CTNNA3: variants seen among roughly 807,000 people sequenced by gnomAD.
CTNNA3 encodes catenin alpha-3.
CTNNA3 carries 76 observed loss-of-function variants against 95.7 expected under a neutral mutation model. The observed-to-expected ratio is 0.79, with a 90% CI of 0.66 to 0.96. CTNNA3 has a LOEUF of 0.96. Among genes scored for constraint, CTNNA3 ranks in the 40% least tolerant of loss-of-function variants. The pLI is 0.00. For missense variants in CTNNA3, 1,191 were observed against 1,089.8 expected, an observed-to-expected ratio of 1.09 and a Z score of -1.31; for synonymous variants, 431 against 374.4, an observed-to-expected ratio of 1.15 and a Z score of -1.74.
chr10:66,323,878 A>C (rs1489883002), intron 12 of CTNNA3, among the ~76,000 whole-genome samples: 1 of 151,908 alleles, frequency 6.6e-6, no homozygotes, highest in Admixed American at 6.6e-5. Context: ...ACAGCAGAGA[A>C]AGAGGGAAGA....
Position 67,665,887 on chromosome 10 carries a change from A to C in CTNNA3, c.-5-18369T>G, listed in dbSNP as rs528789315. On this transcript the variant is annotated intron_variant, in intron 1 of 17. Transcript: ENST00000433211. The stretch of plus-strand genomic sequence containing the variant: ...CAACTTGCATGGTCATTATGTACCC[A>C]AAACACTGTAAATCCCAAAGTAGAA... 5.9e-5 allele frequency among the ~76,000 whole-genome samples: 9 copies of C among 152,340 alleles called. No individual in the cohort carries two copies. The South Asian group carries it at 1.5e-3, about 25-fold the overall frequency.
intron 13 of CTNNA3, among the ~76,000 whole-genome samples, chr10:66,190,799 A>G (rs2086626484): frequency 6.6e-6 from 1 of 152,116 alleles, no homozygotes; most frequent in African/African-American, 2.4e-5. Context: ...GTTCAAAAGA[A>G]AAAGAATTGA....
intron 7 of CTNNA3, among the ~76,000 whole-genome samples, chr10:67,032,388 G>A (rs889196378): frequency 2.6e-5 from 4 of 151,938 alleles, no homozygotes; most frequent in South Asian, 2.1e-4. Flanking sequence ...AGCCCATTTC[G>A]CCTCCAATAA....
In CTNNA3 at chr10:67,180,410, T is replaced by G. The variant is rs1379551332; in HGVS notation, c.954A>C (p.Ser318=). The G allele has an allele frequency of 3.1e-6, 5 of 1,613,728 alleles. No homozygotes were observed. The highest frequency in any genetic ancestry group is 4.2e-6 in the Non-Finnish European group (5 of 1,179,882). ...GCTCTCGGTGTAAGTCCCTCGTACA[T>G]GAAGAATCCGCCAGCAGAGCAGCCC... ...ISGAALLADS[S]CTRDLHRERI... Residue 318 remains serine (S), a synonymous_variant, in exon 7 of 18, where the codon TCA becomes TCC. Coordinates refer to ENST00000433211, the MANE Select transcript of CTNNA3 (RefSeq NM_013266.4).
At chr10:67,120,632 C>A (rs531301217) in intron 7 of CTNNA3, among the ~76,000 whole-genome samples, 13 of 152,102 alleles carry the variant, frequency 8.5e-5, no homozygotes, top group African/African-American at 3.1e-4. Context: ...TTTCAGGGCA[C>A]CCTCCTGCAT....
At chr10:66,904,347 A>T (rs1845893389) in intron 7 of CTNNA3, among the ~76,000 whole-genome samples, 1 of 152,216 alleles carries the variant, frequency 6.6e-6, no homozygotes. Flanking sequence ...CCTTCCTTAC[A>T]TCTTATACAA....
At chr10:66,992,492 T>C (rs2132940699) in intron 7 of CTNNA3, among the ~76,000 whole-genome samples, 1 of 152,182 alleles carries the variant, frequency 6.6e-6, no homozygotes, top group African/African-American at 2.4e-5. Flanking sequence ...AGTTCTAGTT[T>C]TATGCATTAC....
At chr10:66,860,919 C>A (rs1843895813) in intron 7 of CTNNA3, among the ~76,000 whole-genome samples, 1 of 152,128 alleles carries the variant, frequency 6.6e-6, no homozygotes, top group Admixed American at 6.5e-5. Flanking sequence ...CACCTCATAG[C>A]CCAGGGAAGA....
At chr10:67,325,828 G>C (rs1589167936) in intron 5 of CTNNA3, among the ~76,000 whole-genome samples, 1 of 151,990 alleles carries the variant, frequency 6.6e-6, no homozygotes, top group Non-Finnish European at 1.5e-5. Flanking sequence ...TTGTTAGTGG[G>C]GTGTTAAAGT....
chr10:66,346,217 A>G (rs968159589), intron 12 of CTNNA3, among the ~76,000 whole-genome samples: 5 of 95,922 alleles, frequency 5.2e-5, no homozygotes, highest in South Asian at 3.8e-4. Context: ...GTGTGTATAT[A>G]TATATATATA....
intron 9 of CTNNA3, among the ~76,000 whole-genome samples, chr10:66,733,284 A>G (rs753511210): frequency 6.6e-6 from 1 of 152,084 alleles, no homozygotes; most frequent in Admixed American, 6.6e-5. Flanking sequence ...AGTAGAAAAA[A>G]AAGTTGTAAT....
At chr10:67,654,146 GCTCCAC>G (rs1270216116) in intron 1 of CTNNA3, among the ~76,000 whole-genome samples, 1 of 152,180 alleles carries the variant, frequency 6.6e-6, no homozygotes, top group Non-Finnish European at 1.5e-5. Context: ...ACAGAGGTGA[GCTCCAC>G]CTCCACCACC....
intron 13 of CTNNA3, among the ~76,000 whole-genome samples, chr10:66,243,103 T>C (rs1446916979): frequency 6.6e-6 from 1 of 152,158 alleles, no homozygotes; most frequent in Non-Finnish European, 1.5e-5. Context: ...TCAGGCACAA[T>C]TGATCAGTGT....
chr10:67,693,174 A>T (rs928319275), intron 1 of CTNNA3, among the ~76,000 whole-genome samples: 1 of 152,344 alleles, frequency 6.6e-6, no homozygotes, highest in African/African-American at 2.4e-5. Context: ...TGTGGTTAAA[A>T]ACAGTATTTA....
chr10:66,800,756 T>A (rs2132232566), intron 7 of CTNNA3, among the ~76,000 whole-genome samples: 1 of 151,380 alleles, frequency 6.6e-6, no homozygotes, highest in South Asian at 2.1e-4. Context: ...AAGTCCTTCA[T>A]AACTTTAATC....
chr10:66,272,144 T>C (rs922025284), intron 13 of CTNNA3, among the ~76,000 whole-genome samples: 8 of 152,202 alleles, frequency 5.3e-5, no homozygotes, highest in African/African-American at 1.9e-4. Context: ...AAGGTTACTT[T>C]GCTATTGGCC....
At chr10:66,450,246 T>C (rs2093454342) in intron 11 of CTNNA3, among the ~76,000 whole-genome samples, 1 of 152,176 alleles carries the variant, frequency 6.6e-6, no homozygotes, top group Non-Finnish European at 1.5e-5. Context: ...TTTGCAGTTA[T>C]GTTTAAGTCA....
At chr10:66,605,533 G>T (rs1220706033) in intron 10 of CTNNA3, among the ~76,000 whole-genome samples, 2 of 152,046 alleles carry the variant, frequency 1.3e-5, no homozygotes, top group African/African-American at 4.8e-5. Context: ...CAAAATGAAA[G>T]AAAAAATGTT....
rs199633464 is a variant in CTNNA3, at chr10:67,661,141, ACT to A, written c.-5-13625_-5-13624del. ...TGTATATGTATATGTATGTATTTAA[ACT>A]TTGACCCAGCAATTCAGTTTTTAGG... is the stretch of plus-strand genomic sequence containing the variant. On this transcript the variant is annotated intron_variant, in intron 1 of 17. Coordinates refer to ENST00000433211, the MANE Select transcript of CTNNA3 (RefSeq NM_013266.4). 3.6e-3 allele frequency among the ~76,000 whole-genome samples: 551 copies of A among 152,240 alleles called. 5 individuals are homozygous for A. The highest frequency in any genetic ancestry group is 0.012 in the African/African-American group (517 of 41,530).
Sources: gnomAD v4.1 joint callset for allele counts (sites outside exome capture counted in the v4.1 genomes callset) on GRCh38, gnomAD v4.1.1 for gene constraint, MANE v1.5 for transcripts, NCBI Gene and HGNC (gene_info 2026-07-23, HGNC 2026-07-21) for gene names.